Variants in CHRM3 observed in about 807,000 individuals in gnomAD.
The protein encoded by CHRM3 is cholinergic receptor muscarinic 3.
In CHRM3, 11 loss-of-function variants were observed where a neutral mutation model predicts 41.8. The observed-to-expected ratio is 0.26, with a 90% CI of 0.17 to 0.44. The LOEUF is 0.44. Ranked by LOEUF, CHRM3 falls within the 20% of genes least tolerant of loss-of-function variation. CHRM3 has a pLI of 1.00. For missense variants in CHRM3, 571 were observed against 745.4 expected (o/e 0.77, Z 2.72); for synonymous variants, 297 against 301.4 (o/e 0.99, Z 0.15).
intron 1 of CHRM3, among the ~76,000 whole-genome samples, chr1:239,420,784 C>T (rs377515709): frequency 8.4e-4 from 128 of 151,936 alleles, no homozygotes; most frequent in African/African-American, 2.9e-3. Flanking sequence ...TATCTTTTAC[C>T]TCAGTATATT....
intron 6 of CHRM3, among the ~76,000 whole-genome samples, chr1:239,906,134 AC>A (rs985096262): frequency 4.6e-5 from 7 of 152,042 alleles, no homozygotes; most frequent in African/African-American, 1.7e-4. Context: ...AGGCCTTTTG[AC>A]CCCATAGTCT....
chr1:239,507,843 C>T (rs780915653), intron 2 of CHRM3, among the ~76,000 whole-genome samples: 6 of 151,988 alleles, frequency 3.9e-5, no homozygotes, highest in Non-Finnish European at 7.4e-5. Flanking sequence ...GAGGGTATCC[C>T]TATAATTTAT....
At chr1:239,730,547 A>G (rs1310589963) in intron 5 of CHRM3, 1 of 152,026 alleles carries the variant, frequency 6.6e-6, no homozygotes, top group Admixed American at 6.6e-5. Context: ...AAGTTCAAGT[A>G]CATGTTAGGC....
At chr1:239,737,583 C>G (rs1211368591) in intron 5 of CHRM3, among the ~76,000 whole-genome samples, 1 of 152,142 alleles carries the variant, frequency 6.6e-6, no homozygotes, top group Admixed American at 6.5e-5. Context: ...TGCTCCTCAA[C>G]CTTAAATTAT....
intron 3 of CHRM3, among the ~76,000 whole-genome samples, chr1:239,620,670 G>GTA (rs747609093): frequency 6.6e-6 from 1 of 151,918 alleles, no homozygotes; most frequent in Non-Finnish European, 1.5e-5. Flanking sequence ...AAAAATGGAT[G>GTA]TATATATATT....
chr1:239,906,431 A>G (rs1315655306), intron 6 of CHRM3, among the ~76,000 whole-genome samples: 1 of 152,200 alleles, frequency 6.6e-6, no homozygotes, highest in Non-Finnish European at 1.5e-5. Flanking sequence ...TATCTAGTGT[A>G]CGGTGGCTGG....
At chr1:239,502,003 A>T (rs1241815622) in intron 2 of CHRM3, among the ~76,000 whole-genome samples, 1 of 152,140 alleles carries the variant, frequency 6.6e-6, no homozygotes, top group Non-Finnish European at 1.5e-5. Context: ...CATTCTAAGG[A>T]CACATCTCAG....
chr1:239,820,817 A>G (rs905651699), intron 5 of CHRM3, among the ~76,000 whole-genome samples: 1 of 152,194 alleles, frequency 6.6e-6, no homozygotes, highest in Non-Finnish European at 1.5e-5. Context: ...AGGAACCATT[A>G]TATGAATGTA....
intron 5 of CHRM3, among the ~76,000 whole-genome samples, chr1:239,774,328 C>T (rs555207576): frequency 2.0e-4 from 30 of 152,106 alleles, no homozygotes; most frequent in East Asian, 1.6e-3. Context: ...TTTTAATAGT[C>T]GTAGTAGGAA....
intron 2 of CHRM3, among the ~76,000 whole-genome samples, chr1:239,500,136 T>C (rs1041434806): frequency 2.4e-4 from 37 of 152,294 alleles, no homozygotes; most frequent in African/African-American, 8.4e-4. Context: ...TGAAGGGTTG[T>C]TGAATTTTGT....
intron 5 of CHRM3, among the ~76,000 whole-genome samples, chr1:239,721,543 G>C (rs1305568905): frequency 6.6e-6 from 1 of 151,938 alleles, no homozygotes; most frequent in Non-Finnish European, 1.5e-5. Context: ...AAGGTTTAGA[G>C]CTGAAAGTAA....
chr1:239,609,915 G>A (rs576039181), intron 3 of CHRM3, among the ~76,000 whole-genome samples: 5 of 151,990 alleles, frequency 3.3e-5, no homozygotes, highest in African/African-American at 1.2e-4. Flanking sequence ...ACTATAGGCC[G>A]GGCGCAGTGG....
At chr1:239,553,096 T>C (rs1339773946) in intron 3 of CHRM3, among the ~76,000 whole-genome samples, 5 of 152,050 alleles carry the variant, frequency 3.3e-5, no homozygotes, top group Non-Finnish European at 7.4e-5. Context: ...ACGTATACTG[T>C]TCTGTGTACA....
chr1:239,764,406 A>G (rs1667040788), intron 5 of CHRM3, among the ~76,000 whole-genome samples: 2 of 152,222 alleles, frequency 1.3e-5, no homozygotes, highest in Admixed American at 6.5e-5. Context: ...TAGAAGCTGC[A>G]TGGTGAGTGC....
chr1:239,520,708 C>G (rs1466149857), intron 2 of CHRM3, among the ~76,000 whole-genome samples: 1 of 152,152 alleles, frequency 6.6e-6, no homozygotes, highest in Non-Finnish European at 1.5e-5. Flanking sequence ...TAATTTAAGT[C>G]AAACCAGTGA....
At chr1:239,395,467 C>T (rs1233928125) in intron 1 of CHRM3, among the ~76,000 whole-genome samples, 1 of 152,114 alleles carries the variant, frequency 6.6e-6, no homozygotes, top group East Asian at 1.9e-4. Flanking sequence ...TCTCTTCCCT[C>T]ACCTCCTACA....
At chr1:239,451,796 GTACA>G (rs1451102675) in intron 1 of CHRM3, among the ~76,000 whole-genome samples, 1 of 151,992 alleles carries the variant, frequency 6.6e-6, no homozygotes, top group Non-Finnish European at 1.5e-5. Context: ...AATTAAAAAT[GTACA>G]TACATATACA....
At chr1:239,619,637 C>A (rs1180941792) in intron 3 of CHRM3, among the ~76,000 whole-genome samples, 1 of 152,144 alleles carries the variant, frequency 6.6e-6, no homozygotes, top group African/African-American at 2.4e-5. Context: ...GTGGCGGAAG[C>A]ACCCAAAAGA....
At chr1:239,726,375 T>G (rs1663437904) in intron 5 of CHRM3, among the ~76,000 whole-genome samples, 1 of 151,982 alleles carries the variant, frequency 6.6e-6, no homozygotes, top group African/African-American at 2.4e-5. Flanking sequence ...GTGCCATATG[T>G]TACAAAACTA....
Sources: gnomAD v4.1 joint callset for allele counts (sites outside exome capture counted in the v4.1 genomes callset) on GRCh38, gnomAD v4.1.1 for gene constraint, MANE v1.5 for transcripts, NCBI Gene and HGNC (gene_info 2026-07-23, HGNC 2026-07-21) for gene names.